JAKMIP3: variants seen among roughly 807,000 people sequenced by gnomAD.
JAKMIP3 encodes Janus kinase and microtubule interacting protein 3, also known as janus kinase and microtubule-interacting protein 3.
In JAKMIP3, 58 loss-of-function variants were observed where a neutral mutation model predicts 118.5. That is an observed-to-expected ratio of 0.49 (90% CI 0.40 to 0.61). The LOEUF is 0.61. Among genes scored for constraint, JAKMIP3 ranks in the 20% least tolerant of loss-of-function variants. JAKMIP3 has a pLI of 0.00. For synonymous variants in JAKMIP3, 486 were observed against 451.2 expected, an observed-to-expected ratio of 1.08 and a Z score of -0.98; for missense variants, 950 against 1,109.0, an observed-to-expected ratio of 0.86 and a Z score of 2.04.
At chr10:132,161,574 GGT>G (rs1283789523) in intron 19 of JAKMIP3, among the ~76,000 whole-genome samples, 1 of 34,840 alleles carries the variant, frequency 2.9e-5, no homozygotes, top group African/African-American at 1.1e-4. Flanking sequence ...GATGCTGGGG[GGT>G]ATCTCTCCCT....
rs1161236492 is a variant in JAKMIP3, at chr10:132,180,736, TGCGTGC to T, written c.*1104-1619_*1104-1614del. 2.0e-3 allele frequency among the ~76,000 whole-genome samples: 23 copies of T among 11,328 alleles called. 5 individuals are homozygous for T. The highest frequency in any genetic ancestry group is 0.016 in the East Asian group (8 of 516). The allele number at this position is 11,328 out of a possible 152,430, so 7.4% of individuals were successfully genotyped here. A position where few individuals can be genotyped will look rare whatever the true frequency, so the allele number is the denominator to read the frequency against. On this transcript the variant is annotated intron_variant, in intron 23 of 23. Coordinates refer to ENST00000684848, the MANE Select transcript of JAKMIP3 (RefSeq NM_001323087.2). Reference sequence around the variant, plus strand: ...GTGTGTGTGCGTGTGTGTGCGTGTGTGCGTGCGTGCGCGCGCGTGTGTGCGTGTGTG... The same window carrying T: ...GTGTGTGTGCGTGTGTGTGCGTGTGTGTGCGCGCGCGTGTGTGCGTGTGTG...
rs2039605532 is a variant in JAKMIP3 at position 132,070,171 on chromosome 10, G to C, written c.-138+4110G>C. Among the ~76,000 whole-genome samples the C allele has an allele frequency of 2.0e-5, 3 of 151,920 alleles. No homozygotes were observed. In the South Asian group the frequency reaches 6.2e-4, roughly 32 times the overall value. On this transcript the variant is annotated intron_variant, in intron 1 of 23. Transcript: ENST00000684848. ...AGTTGCATTTTTATTTTTTGAGACAGAGTTTCACTCTTGTTGCCCAGGCTG... is the reference window on the plus strand; with the variant it reads ...AGTTGCATTTTTATTTTTTGAGACACAGTTTCACTCTTGTTGCCCAGGCTG...
At chr10:132,119,636 G>A (rs186351969) in intron 3 of JAKMIP3, among the ~76,000 whole-genome samples, 17 of 152,268 alleles carry the variant, frequency 1.1e-4, no homozygotes, top group African/African-American at 3.4e-4. Flanking sequence ...GGAGTAGCAC[G>A]TTCTCCTGCT....
chr10:132,159,876 G>C (rs868588227), intron 19 of JAKMIP3, among the ~76,000 whole-genome samples: 1 of 56,220 alleles, frequency 1.8e-5, no homozygotes, highest in Non-Finnish European at 3.4e-5. Context: ...TGCTGGGGGG[G>C]TCTCTTCCTG....
chr10:132,063,075 G>A (rs1186217410), upstream of JAKMIP3, among the ~76,000 whole-genome samples: 4 of 152,300 alleles, frequency 2.6e-5, no homozygotes, highest in East Asian at 3.9e-4. Flanking sequence ...GGGAATCAGC[G>A]ATGGAGCAGC....
chr10:132,090,413 T>C (rs1271999819), intron 1 of JAKMIP3, among the ~76,000 whole-genome samples: 1 of 152,210 alleles, frequency 6.6e-6, no homozygotes, highest in Non-Finnish European at 1.5e-5. Flanking sequence ...ATTCAGAGAT[T>C]CAACTTCTTC....
At chr10:132,166,846 C>T in intron 21 of JAKMIP3, 137 bp from the exon 22 acceptor site, 1 of 685,396 alleles carries the variant, frequency 1.5e-6, no homozygotes, top group Non-Finnish European at 2.5e-6. Context: ...TCGGCACAGT[C>T]CTTAATAGCG....
chr10:132,089,107 C>G (rs7392895), intron 1 of JAKMIP3, among the ~76,000 whole-genome samples: 37 of 152,116 alleles, frequency 2.4e-4, no homozygotes, highest in African/African-American at 8.4e-4. Context: ...TTTGGTTACT[C>G]TAGCCTTGTA....
chr10:132,175,012 A>G (rs2060018607), intron 23 of JAKMIP3, among the ~76,000 whole-genome samples: 2 of 152,172 alleles, frequency 1.3e-5, no homozygotes, highest in South Asian at 2.1e-4. Flanking sequence ...GATACGTGCC[A>G]TTATCAGATA....
chr10:132,051,144 T>G (rs2038091755), intron 1 of JAKMIP3, among the ~76,000 whole-genome samples: 1 of 148,640 alleles, frequency 6.7e-6, no homozygotes, highest in Non-Finnish European at 1.5e-5. Context: ...CTGTCTTTCC[T>G]GGCACGGTTG....
chr10:132,170,869 C>T (rs959645217), intron 23 of JAKMIP3, among the ~76,000 whole-genome samples: 5 of 152,306 alleles, frequency 3.3e-5, no homozygotes, highest in South Asian at 4.1e-4. Flanking sequence ...GTCAGCCTCC[C>T]GGGATCAGGG....
intron 3 of JAKMIP3, among the ~76,000 whole-genome samples, chr10:132,132,006 A>G (rs1174608936): frequency 1.3e-5 from 2 of 152,176 alleles, no homozygotes; most frequent in Non-Finnish European, 1.5e-5. Context: ...GAGAGTGTAA[A>G]TGCCAGGCCG....
intron 9 of JAKMIP3, among the ~76,000 whole-genome samples, chr10:132,139,723 A>T (rs2053081346): frequency 6.6e-6 from 1 of 152,216 alleles, no homozygotes; most frequent in Non-Finnish European, 1.5e-5. Flanking sequence ...GGAGGCACAC[A>T]GGACAGGGGC....
At position 132,179,223 on chromosome 10, in the gene JAKMIP3, C is replaced by G. The variant is rs1444084715; in HGVS notation, c.*1104-3134C>G. Among the ~76,000 whole-genome samples the G allele has an allele frequency of 6.6e-6, 1 of 152,252 alleles. No homozygotes were observed. The highest frequency in any genetic ancestry group is 6.5e-5 in the Admixed American group (1 of 15,288). ...GATAAAATTACCCAGGCTTTCCCCT[C>G]CAGCGTGAAGGGCAGGGGCCCTCAG... On this transcript the variant is annotated intron_variant, in intron 23 of 23. Transcript: ENST00000684848. This position sits in a 1 kb window ranked among gnomAD's most constrained non-coding sequence, Gnocchi z 4.3.
At chr10:132,140,732 C>T (rs537648228) in intron 10 of JAKMIP3, among the ~76,000 whole-genome samples, 153 bp downstream of exon 10, 25 of 152,286 alleles carry the variant, frequency 1.6e-4, no homozygotes, top group African/African-American at 5.5e-4. Flanking sequence ...AAGCCCTTCG[C>T]GGCCCTCACT....
rs1565021270 is a variant in JAKMIP3 at position 132,180,720 on chromosome 10, C to CGCGCGCGT, written c.*1104-1636_*1104-1635insCGCGCGTG. Among the ~76,000 whole-genome samples, 3 of 17,018 alleles carry CGCGCGCGT rather than the reference C, an allele frequency of 1.8e-4. 1 individual carries two copies. The highest frequency in any genetic ancestry group is 8.9e-4 in the African/African-American group (3 of 3,356). The allele number at this position is 17,018 out of a possible 152,430, so 11.2% of individuals were successfully genotyped here. On this transcript the variant is annotated intron_variant, in intron 23 of 23. Transcript: ENST00000684848. Reference sequence around the variant, plus strand: ...GCGTGTGTGTGTGCGCGTGTGTGTGCGTGTGTGTGCGTGTGTGCGTGCGTG... The same window carrying CGCGCGCGT: ...GCGTGTGTGTGTGCGCGTGTGTGTGCGCGCGCGTGTGTGTGTGCGTGTGTGCGTGCGTG...
chr10:132,109,668 C>T (rs2046548145), intron 2 of JAKMIP3, among the ~76,000 whole-genome samples: 1 of 152,114 alleles, frequency 6.6e-6, no homozygotes, highest in African/African-American at 2.4e-5. Flanking sequence ...TCTCCCTACT[C>T]CATTCCATAA....
chr10:132,180,760 CGTGTGTGTGCGTGTGTGTGTGT>C (rs1277230926), intron 23 of JAKMIP3, among the ~76,000 whole-genome samples: 4 of 14,730 alleles, frequency 2.7e-4, no homozygotes, highest in African/African-American at 1.7e-3. Flanking sequence ...CGCGTGTGTG[CGTGTGTGTGCGTGTGTGTGTGT>C]GCGCGTATGC....
intron 2 of JAKMIP3, among the ~76,000 whole-genome samples, chr10:132,113,006 G>A (rs1201281568): frequency 6.6e-6 from 1 of 152,162 alleles, no homozygotes; most frequent in Non-Finnish European, 1.5e-5. Flanking sequence ...TTTCTAAAGC[G>A]TGACTTACTG....
Sources: allele counts gnomAD v4.1 joint callset (sites outside exome capture counted in the v4.1 genomes callset), GRCh38; gene constraint gnomAD v4.1.1; non-coding constraint Gnocchi (gnomAD v3.1); transcripts MANE v1.5; gene names NCBI Gene and HGNC (gene_info 2026-07-23, HGNC 2026-07-21).